Variants in ATG10 observed in about 807,000 individuals in gnomAD.
ATG10 encodes ubiquitin-like-conjugating enzyme ATG10.
A neutral mutation model predicts 32.1 loss-of-function variants in ATG10; 30 were observed. The observed-to-expected ratio is 0.94, with a 90% CI of 0.70 to 1.27. The LOEUF is 1.27. Ranked by LOEUF, ATG10 falls within the 50% of genes most tolerant of loss-of-function variation. The probability of loss-of-function intolerance (pLI) is 0.00; values close to 1 mark genes in which losing one functional copy is unlikely to be tolerated. For missense variants in ATG10, 233 were observed against 262.3 expected (o/e 0.89, Z 0.77); for synonymous variants, 87 against 91.5 (o/e 0.95, Z 0.28).
chr5:81,972,975 A>G (rs1203160559), intron 1 of ATG10, among the ~76,000 whole-genome samples: 2 of 152,100 alleles, frequency 1.3e-5, no homozygotes, highest in Admixed American at 6.6e-5. Context: ...CTAGGGGACT[A>G]TATTTTGTTT....
chr5:82,125,903 A>G (rs1354124399), intron 3 of ATG10, among the ~76,000 whole-genome samples: 2 of 152,216 alleles, frequency 1.3e-5, no homozygotes, highest in Non-Finnish European at 1.5e-5. Context: ...CTAACTATCC[A>G]TGAGCATGGA....
chr5:82,206,494 C>A (rs1745305354), intron 5 of ATG10, among the ~76,000 whole-genome samples: 1 of 151,790 alleles, frequency 6.6e-6, no homozygotes, highest in East Asian at 1.9e-4. Context: ...TAAAAAAATA[C>A]AAAAAATTAG....
intron 2 of ATG10, among the ~76,000 whole-genome samples, chr5:81,989,543 C>T (rs1237968727): frequency 6.6e-6 from 1 of 152,096 alleles, no homozygotes; most frequent in African/African-American, 2.4e-5. Context: ...ACTGTGCTAG[C>T]AACTTTCATT....
intron 1 of ATG10, among the ~76,000 whole-genome samples, chr5:81,986,500 T>A (rs1198769523): frequency 1.3e-5 from 2 of 152,214 alleles, no homozygotes; most frequent in East Asian, 1.9e-4. Context: ...TTATGCACAG[T>A]GCCTGCTACT....
intron 3 of ATG10, among the ~76,000 whole-genome samples, chr5:82,104,579 C>T (rs1765386767): frequency 6.6e-6 from 1 of 152,004 alleles, no homozygotes; most frequent in African/African-American, 2.4e-5. Flanking sequence ...GTAATGTTAA[C>T]TGACCAGATT....
intron 3 of ATG10, among the ~76,000 whole-genome samples, chr5:82,127,669 T>C (rs1449189497): frequency 6.6e-6 from 1 of 152,138 alleles, no homozygotes; most frequent in Non-Finnish European, 1.5e-5. Flanking sequence ...TTTCTTTTCT[T>C]TTGCATTTGC....
chr5:82,203,504 C>T (rs1362882965), intron 5 of ATG10, among the ~76,000 whole-genome samples: 5 of 151,970 alleles, frequency 3.3e-5, no homozygotes, highest in Admixed American at 6.6e-5. Flanking sequence ...TAGTTTTAAT[C>T]GGTGGGAGAG....
chr5:82,096,655 A>G (rs1389077566), intron 3 of ATG10, among the ~76,000 whole-genome samples: 1 of 152,194 alleles, frequency 6.6e-6, no homozygotes, highest in Non-Finnish European at 1.5e-5. Context: ...TGTCTATAAT[A>G]GTCAGTGTCT....
intron 5 of ATG10, among the ~76,000 whole-genome samples, chr5:82,232,271 A>G (rs1006460521): frequency 6.6e-6 from 1 of 152,234 alleles, no homozygotes; most frequent in Admixed American, 6.5e-5. Context: ...TAATGCTTGG[A>G]AAGTGCAGGC....
intron 2 of ATG10, among the ~76,000 whole-genome samples, chr5:81,999,397 G>T (rs915747893): frequency 2.0e-5 from 3 of 152,054 alleles, no homozygotes; most frequent in Admixed American, 6.5e-5. Context: ...TAAGAGGGAA[G>T]TTTACAGCCC....
intron 4 of ATG10, among the ~76,000 whole-genome samples, chr5:82,175,976 C>T (rs1263761662): frequency 6.6e-6 from 1 of 152,040 alleles, no homozygotes; most frequent in Non-Finnish European, 1.5e-5. Context: ...ATCACAAAGG[C>T]TTGGAACAGA....
At chr5:82,249,663 A>G (rs1056381618) in intron 5 of ATG10, among the ~76,000 whole-genome samples, 6 of 152,212 alleles carry the variant, frequency 3.9e-5, no homozygotes, top group Non-Finnish European at 5.9e-5. Flanking sequence ...GACTTTCCCA[A>G]TAGCTCACAG....
intron 3 of ATG10, among the ~76,000 whole-genome samples, chr5:82,139,566 C>A (rs368247972): frequency 6.9e-6 from 1 of 145,274 alleles, no homozygotes. Context: ...CGTCTCTGCC[C>A]GGCCGCCCCG....
At chr5:82,119,604 G>A (rs1011635655) in intron 3 of ATG10, among the ~76,000 whole-genome samples, 1 of 152,096 alleles carries the variant, frequency 6.6e-6, no homozygotes. Flanking sequence ...GGGATTACAG[G>A]CATCTACCAC....
chr5:82,083,023 A>T (rs111897498), intron 3 of ATG10, among the ~76,000 whole-genome samples: 69 of 152,344 alleles, frequency 4.5e-4, no homozygotes, highest in African/African-American at 1.5e-3. Context: ...CCCATGGAGC[A>T]GGGCGAGGCA....
chr5:82,073,874 A>G (rs1475926014), intron 3 of ATG10, among the ~76,000 whole-genome samples: 1 of 152,170 alleles, frequency 6.6e-6, no homozygotes, highest in Non-Finnish European at 1.5e-5. Context: ...TATTAGAGTA[A>G]CCTTAAGGCA....
At position 82,252,552 on chromosome 5, in the gene ATG10, AT is replaced by A. The variant is rs1747295571; in HGVS notation, c.454-8del. 6.4e-7 allele frequency: 1 copy of A among 1,568,682 alleles called. No individual in the cohort carries two copies. Among genetic ancestry groups the A allele is most frequent in the Non-Finnish European group, 8.8e-7 (1 of 1,141,674 alleles). ...TCACACTGATCCTGGACCAATTCTG[AT>A]TCTTACAGGAACATCCAATACTTGG... On this transcript the variant is annotated splice_polypyrimidine_tract_variant and intron_variant, in intron 5 of 7. Transcript: ENST00000282185.
At chr5:82,060,451 G>A (rs931685355) in intron 3 of ATG10, among the ~76,000 whole-genome samples, 1 of 152,064 alleles carries the variant, frequency 6.6e-6, no homozygotes, top group African/African-American at 2.4e-5. Flanking sequence ...TTTATAATAG[G>A]AAAAATGAAA....
intron 1 of ATG10, among the ~76,000 whole-genome samples, chr5:81,973,474 C>T: frequency 6.6e-6 from 1 of 152,220 alleles, no homozygotes; most frequent in East Asian, 1.9e-4. Context: ...ACCATCCTTT[C>T]TTCAGTGTTT....
Sources: gnomAD v4.1 joint callset for allele counts (sites outside exome capture counted in the v4.1 genomes callset) on GRCh38, gnomAD v4.1.1 for gene constraint, MANE v1.5 for transcripts, NCBI Gene and HGNC (gene_info 2026-07-23, HGNC 2026-07-21) for gene names.